PABPC1: variants seen among roughly 807,000 people sequenced by gnomAD.
PABPC1 encodes the protein poly(A) binding protein cytoplasmic 1.
In PABPC1, 4 loss-of-function variants were observed where a neutral mutation model predicts 74.0. The observed-to-expected ratio is 0.05, with a 90% CI of 0.03 to 0.12. The LOEUF (loss-of-function observed/expected upper bound fraction) is 0.12. PABPC1 is among the 10% of genes least tolerant of loss of function. The pLI is 1.00. For synonymous variants in PABPC1, 227 were observed against 264.1 expected (o/e 0.86, Z 1.36); for missense variants, 271 against 821.1 (o/e 0.33, Z 8.19).
intron 1 of PABPC1, among the ~76,000 whole-genome samples, chr8:100,720,410 G>A (rs1488181428): frequency 1.3e-5 from 2 of 152,060 alleles, no homozygotes; most frequent in South Asian, 4.1e-4. Flanking sequence ...AGGTATCATG[G>A]GCCACTTTTA....
intron 1 of PABPC1, among the ~76,000 whole-genome samples, chr8:100,719,855 A>C (rs1810769298): frequency 6.6e-6 from 1 of 152,246 alleles, no homozygotes; most frequent in Admixed American, 6.5e-5. Flanking sequence ...CCCATCTGAC[A>C]TGCATTGATA....
intron 3 of PABPC1, 104 bp downstream of exon 3, chr8:100,717,669 T>C (rs941374206): frequency 3.1e-5 from 21 of 681,116 alleles, no homozygotes; most frequent in Middle Eastern, 8.0e-4. Flanking sequence ...TTTTATCTTA[T>C]GTGCATCTAA....
rs1428143082 is a variant in PABPC1, at chr8:100,712,587, T to A, written c.876+65A>T. 7.7e-6 allele frequency: 12 copies of A among 1,561,504 alleles called. No individual in the cohort carries two copies. The South Asian group carries it at 1.3e-4, about 17-fold the overall frequency. The stretch of plus-strand genomic sequence containing the variant: ...AACCCTCCAGCTACCTGGAAGTAAC[T>A]GAAATCAACGTAAAATAGGTTTCCT... On this transcript the variant is annotated intron_variant, in intron 6 of 14. Transcript: ENST00000318607.
Position 100,712,660 on chromosome 8 carries a change from T to G in PABPC1, c.868A>C (p.Arg290=). 1 of 1,601,284 alleles carries G rather than the reference T, an allele frequency of 6.2e-7. No homozygotes were observed. The change falls in exon 6 of 15, where the codon AGA becomes CGA. Residue 290 remains arginine (R), a synonymous_variant. Transcript: ENST00000318607. ...FEQMKQDRIT[R]YQGVNLYVKN... The stretch of plus-strand genomic sequence containing the variant: ...TTCAATTAAAAATGAACCTGGTATC[T>G]GGTGATCCTATCTTGTTTCATCTGT...
intron 1 of PABPC1, among the ~76,000 whole-genome samples, chr8:100,719,790 CA>C (rs1261067465): frequency 4.6e-5 from 7 of 152,174 alleles, no homozygotes; most frequent in Non-Finnish European, 7.4e-5. Context: ...AATTCATTCC[CA>C]TGTTTTCTCC....
chr8:100,719,388 GTTTT>G (rs34795139), intron 1 of PABPC1, among the ~76,000 whole-genome samples: 23 of 142,300 alleles, frequency 1.6e-4, no homozygotes, highest in Admixed American at 9.2e-4. Context: ...AGCTTCCCTA[GTTTT>G]TTTTTTTTTT....
chr8:100,708,837 C>CA (rs1354781337), intron 9 of PABPC1, among the ~76,000 whole-genome samples: 1 of 151,916 alleles, frequency 6.6e-6, no homozygotes, highest in Non-Finnish European at 1.5e-5. Context: ...GAAACTGAGC[C>CA]ACTGCACTCG....
chr8:100,705,955 T>C (rs1426772930), intron 11 of PABPC1, among the ~76,000 whole-genome samples: 1 of 152,178 alleles, frequency 6.6e-6, no homozygotes, highest in African/African-American at 2.4e-5. Context: ...TCAAGCAACT[T>C]TCCTGCCTCA....
chr8:100,705,493 C>T, intron 12 of PABPC1, 96 bp downstream of exon 12: 1 of 781,772 alleles, frequency 1.3e-6, no homozygotes, highest in Admixed American at 2.0e-5. Flanking sequence ...CAGATCAATT[C>T]CACTGCCCTA....
At chr8:100,705,169 T>TAAC (rs1217581111) in intron 12 of PABPC1, 113 bp from the exon 13 acceptor site, 13 of 793,930 alleles carry the variant, frequency 1.6e-5, no homozygotes, top group Non-Finnish European at 2.6e-5. Context: ...ACGTATATAA[T>TAAC]AACCCATAAT....
In PABPC1 at chr8:100,721,671, G is replaced by A. The variant is rs943937481; in HGVS notation, c.-88C>T. 381 of 1,159,814 alleles carry A rather than the reference G, an allele frequency of 3.3e-4. No homozygotes were observed. The highest frequency in any genetic ancestry group is 4.0e-4 in the Non-Finnish European group (343 of 865,630). 71.8% of individuals were successfully genotyped at this position (1,159,814 alleles called of 1,614,324 possible). On this transcript the variant is annotated 5_prime_UTR_variant, in exon 1 of 15. Transcript: ENST00000318607. This position sits in a 1 kb window ranked among gnomAD's most constrained non-coding sequence, Gnocchi z 7.4. ...GCCGGGGCTGGGGGCCGGAGCCGGG[G>A]GGAGGGGAGCGGGGAGCAAGCGCAG... is the stretch of plus-strand genomic sequence containing the variant.
chr8:100,708,840 T>C (rs1810451534), intron 9 of PABPC1, among the ~76,000 whole-genome samples: 1 of 151,848 alleles, frequency 6.6e-6, no homozygotes, highest in African/African-American at 2.4e-5. Context: ...ACTGAGCCAC[T>C]GCACTCGAGC....
chr8:100,706,873 GGA>G lies in PABPC1; in HGVS notation c.1447+12_1447+13del. On this transcript the variant is annotated intron_variant, in intron 10 of 14. Coordinates refer to ENST00000318607, the MANE Select transcript of PABPC1 (RefSeq NM_002568.4). Reference sequence around the variant, plus strand: ...AATTGGTGATCAATTTTTAAAGGAAGGATTAAGACTCACCAACACGCTGTGTT... The same window carrying G: ...AATTGGTGATCAATTTTTAAAGGAAGTTAAGACTCACCAACACGCTGTGTT... 1.1e-6 allele frequency: 1 copy of G among 951,630 alleles called. No individual in the cohort carries two copies. Among genetic ancestry groups the G allele is most frequent in the Non-Finnish European group, 1.4e-6 (1 of 723,310 alleles). The allele number at this position is 951,630 out of a possible 1,614,324, so 58.9% of individuals were successfully genotyped here.
chr8:100,714,520 C>T (rs1810613783), intron 4 of PABPC1, among the ~76,000 whole-genome samples: 1 of 152,022 alleles, frequency 6.6e-6, no homozygotes, highest in Non-Finnish European at 1.5e-5. Flanking sequence ...CACTTGAGGT[C>T]AGGAGTTGGA....
chr8:100,711,257 G>A (rs1304508508), intron 7 of PABPC1, among the ~76,000 whole-genome samples: 2 of 152,012 alleles, frequency 1.3e-5, no homozygotes, highest in Non-Finnish European at 2.9e-5. Flanking sequence ...TCCAGCCCAG[G>A]CGAGAGTGAG....
chr8:100,714,480 C>G (rs1810612727), intron 4 of PABPC1, among the ~76,000 whole-genome samples: 1 of 152,176 alleles, frequency 6.6e-6, no homozygotes, highest in African/African-American at 2.4e-5. Context: ...CCTGTAATCC[C>G]AGCACTTTGG....
chr8:100,716,851 G>T (rs1353015167), intron 3 of PABPC1, among the ~76,000 whole-genome samples: 1 of 152,180 alleles, frequency 6.6e-6, no homozygotes. Context: ...GAAACTTTAT[G>T]AAAGACACTT....
At position 100,703,009 on chromosome 8, in the gene PABPC1, G is replaced by A. The variant is rs1264007489; in HGVS notation, c.*352C>T. On this transcript the variant is annotated 3_prime_UTR_variant, in exon 15 of 15. Transcript: ENST00000318607. ...CAATTCTGTTACTTAAAACAGAACT[G>A]ACATTCTGAGCTATTCCACAGTAAA... 6.4e-6 allele frequency: 1 copy of A among 155,966 alleles called. No homozygotes were observed. Among genetic ancestry groups the A allele is most frequent in the African/African-American group, 2.4e-5 (1 of 41,452 alleles). 9.7% of individuals were successfully genotyped at this position (155,966 alleles called of 1,614,324 possible).
chr8:100,714,849 A>G (rs937985623), intron 4 of PABPC1, among the ~76,000 whole-genome samples: 1 of 152,226 alleles, frequency 6.6e-6, no homozygotes, highest in African/African-American at 2.4e-5. Context: ...TGAACACTTA[A>G]AAGTTATTTT....
Sources: gnomAD v4.1 joint callset for allele counts (sites outside exome capture counted in the v4.1 genomes callset) on GRCh38, gnomAD v4.1.1 for gene constraint, Gnocchi (gnomAD v3.1) non-coding constraint, MANE v1.5 for transcripts, NCBI Gene and HGNC (gene_info 2026-07-23, HGNC 2026-07-21) for gene names.